Variants in CENPU observed in about 807,000 individuals in gnomAD.
CENPU encodes KSHV latent nuclear antigen interacting protein 1.
CENPU carries 46 observed loss-of-function variants against 56.7 expected under a neutral mutation model. That is an observed-to-expected ratio of 0.81 (90% CI 0.64 to 1.04). The LOEUF is 1.04. Among genes scored for constraint, CENPU ranks in the 50% least tolerant of loss-of-function variants. CENPU has a pLI of 0.00. For missense variants in CENPU, 510 were observed against 490.1 expected, an observed-to-expected ratio of 1.04 and a Z score of -0.38; for synonymous variants, 166 against 163.0, an observed-to-expected ratio of 1.02 and a Z score of -0.14.
intron 7 of CENPU, among the ~76,000 whole-genome samples, chr4:184,710,665 G>A (rs966364836): frequency 6.9e-6 from 1 of 145,302 alleles, no homozygotes; most frequent in Non-Finnish European, 1.5e-5. Flanking sequence ...TTTCTTACTA[G>A]TCTAAGATCT....
chr4:184,717,099 T>C, intron 5 of CENPU, 37 bp downstream of exon 5: 1 of 1,401,224 alleles, frequency 7.1e-7, no homozygotes, highest in Admixed American at 1.7e-5. Flanking sequence ...CAAACTATAT[T>C]ACAAATTAAA....
Position 184,724,983 on chromosome 4 carries a change from A to T in CENPU, c.294T>A (p.Thr98=). 6.2e-7 allele frequency: 1 copy of T among 1,611,992 alleles called. No homozygotes were observed. Among genetic ancestry groups the T allele is most frequent in the Non-Finnish European group, 8.5e-7 (1 of 1,178,608 alleles). The stretch of plus-strand genomic sequence containing the variant: ...TTCTTTTTGCTTCTTTTCCTGGAGG[A>T]GTTGAAGAGAGAGACAGTCCACAAT... The part of the protein sequence containing the change: ...SKHCGLSLSS[T]PPGKEAKRSS... Residue 98 remains threonine, a synonymous_variant, in exon 4 of 13, where the codon ACT becomes ACA. Coordinates refer to ENST00000281453, the MANE Select transcript of CENPU (RefSeq NM_024629.4).
At chr4:184,710,576 TATTAA>T (rs2150212089) in intron 7 of CENPU, among the ~76,000 whole-genome samples, 1 of 152,328 alleles carries the variant, frequency 6.6e-6, no homozygotes. Context: ...TTACTCAGTG[TATTAA>T]TTTAAATAAT....
At chr4:184,695,735 G>A (rs1026951257) in intron 12 of CENPU, among the ~76,000 whole-genome samples, 7 of 152,192 alleles carry the variant, frequency 4.6e-5, no homozygotes, top group African/African-American at 9.6e-5. Flanking sequence ...AGGTCTGCTC[G>A]TGCTGTGTAG....
intron 6 of CENPU, among the ~76,000 whole-genome samples, 183 bp downstream of exon 6, chr4:184,716,214 C>A (rs1761088719): frequency 6.6e-6 from 1 of 152,154 alleles, no homozygotes; most frequent in African/African-American, 2.4e-5. Flanking sequence ...GGATTACAGG[C>A]ATGAGCCACC....
intron 4 of CENPU, among the ~76,000 whole-genome samples, chr4:184,718,588 G>A (rs58332461): frequency 0.18 from 27,043 of 152,116 alleles, 2,677 homozygotes; most frequent in African/African-American, 0.26. Context: ...GGACAAGGAG[G>A]CCAGACAGGA....
intron 10 of CENPU, among the ~76,000 whole-genome samples, chr4:184,701,178 G>A (rs146750037): frequency 6.6e-6 from 1 of 152,286 alleles, no homozygotes; most frequent in African/African-American, 2.4e-5. Context: ...CCTGTAAAGT[G>A]AGGAGATTTT....
intron 4 of CENPU, among the ~76,000 whole-genome samples, chr4:184,724,308 C>T (rs1202915001): frequency 6.6e-6 from 1 of 152,128 alleles, no homozygotes; most frequent in Non-Finnish European, 1.5e-5. Context: ...ATACACTGCA[C>T]TTTTGATACT....
rs1759861585 is a variant in CENPU at position 184,694,139 on chromosome 4, CTTTAAAA to C, written c.*1142_*1148del. The C allele has an allele frequency of 7.5e-6, 6 of 799,184 alleles. No individual in the cohort carries two copies. The highest frequency in any genetic ancestry group is 9.1e-6 in the Non-Finnish European group (6 of 660,102). The allele number at this position is 799,184 out of a possible 1,614,324, so 49.5% of individuals were successfully genotyped here. A position where few individuals can be genotyped will look rare whatever the true frequency, so the allele number is the denominator to read the frequency against. On this transcript the variant is annotated 3_prime_UTR_variant, in exon 13 of 13. Coordinates refer to ENST00000281453, the MANE Select transcript of CENPU (RefSeq NM_024629.4). ...ATCCATGTTTACGATTTGCTAAATA[CTTTAAAA>C]TTTAAAGCATGGGTACTAAGTCCAT... is the stretch of plus-strand genomic sequence containing the variant.
intron 8 of CENPU, among the ~76,000 whole-genome samples, chr4:184,705,258 C>G (rs1179932258): frequency 1.3e-5 from 2 of 152,156 alleles, no homozygotes; most frequent in Non-Finnish European, 2.9e-5. Context: ...GGAATGGAAT[C>G]ATACAACAGC....
chr4:184,708,137 T>A (rs145106161), intron 8 of CENPU, among the ~76,000 whole-genome samples: 189 of 143,908 alleles, frequency 1.3e-3, no homozygotes, highest in African/African-American at 4.6e-3. Context: ...GGCAGGTGAA[T>A]CGCTTGAACC....
rs560030761 is a variant in CENPU at position 184,715,862 on chromosome 4, A to C, written c.618+535T>G. Among the ~76,000 whole-genome samples the C allele has an allele frequency of 3.3e-5, 5 of 152,302 alleles. No homozygotes were observed. In the South Asian group the frequency reaches 1.0e-3, roughly 32 times the overall value. On this transcript the variant is annotated intron_variant, in intron 6 of 12. Transcript: ENST00000281453. ...AAGGACTGAACAGCATAGACCAAAA[A>C]ACATGGTGGTTATTTTGGGTTATGG... is the stretch of plus-strand genomic sequence containing the variant.
At chr4:184,730,772 C>G (rs971966705) in intron 2 of CENPU, 148 bp downstream of exon 2, 1 of 539,436 alleles carries the variant, frequency 1.9e-6, no homozygotes, top group African/African-American at 2.0e-5. Flanking sequence ...ATCCACTATA[C>G]CGGAAAAAGT....
At chr4:184,725,674 TAGTGGGCCCTCAGTA>T (rs1761426541) in intron 3 of CENPU, among the ~76,000 whole-genome samples, 1 of 152,152 alleles carries the variant, frequency 6.6e-6, no homozygotes, top group Non-Finnish European at 1.5e-5. Flanking sequence ...ACCCTGCATA[TAGTGGGCCCTCAGTA>T]TTTTTGAATG....
chr4:184,699,350 A>ATAAC (rs1760452303), intron 11 of CENPU, among the ~76,000 whole-genome samples: 1 of 134,704 alleles, frequency 7.4e-6, no homozygotes, highest in Non-Finnish European at 1.5e-5. Context: ...AAATAAATAA[A>ATAAC]TAAATAAAAT....
chr4:184,713,589 T>C (rs909559405), intron 6 of CENPU, among the ~76,000 whole-genome samples: 2 of 152,162 alleles, frequency 1.3e-5, no homozygotes, highest in Admixed American at 6.5e-5. Flanking sequence ...GATAACAACA[T>C]GTGGAATCAG....
rs150034119 is a variant in CENPU at position 184,716,232 on chromosome 4, G to A, written c.618+165C>T. On this transcript the variant is annotated intron_variant, in intron 6 of 12. Coordinates refer to ENST00000281453, the MANE Select transcript of CENPU (RefSeq NM_024629.4). ...TTACAGGCATGAGCCACCTCGCCCG[G>A]CCATACCATCTAGATTTTCTAAAAC... Among the ~76,000 whole-genome samples the A allele has an allele frequency of 3.4e-3, 523 of 152,208 alleles. 5 individuals are homozygous for A. The highest frequency in any genetic ancestry group is 0.012 in the African/African-American group (505 of 41,542).
chr4:184,696,807 A>C (rs1760346512), intron 12 of CENPU, among the ~76,000 whole-genome samples: 1 of 152,000 alleles, frequency 6.6e-6, no homozygotes, highest in African/African-American at 2.4e-5. Flanking sequence ...CTGCAGTAAA[A>C]ATCCAGAAGC....
intron 8 of CENPU, among the ~76,000 whole-genome samples, chr4:184,703,428 C>T (rs1760611040): frequency 6.6e-6 from 1 of 152,022 alleles, no homozygotes; most frequent in African/African-American, 2.4e-5. Flanking sequence ...ATCTGGTGGC[C>T]AGGCTCTGAT....
Sources: allele counts gnomAD v4.1 joint callset (sites outside exome capture counted in the v4.1 genomes callset), GRCh38; gene constraint gnomAD v4.1.1; transcripts MANE v1.5; gene names NCBI Gene and HGNC (gene_info 2026-07-23, HGNC 2026-07-21).